The following SCHIP1 variants were observed in gnomAD, a reference collection of about 807,000 sequenced individuals.
The protein encoded by SCHIP1 is schwannomin interacting protein 1.
In SCHIP1, 8 loss-of-function variants were observed where a neutral mutation model predicts 29.7. The observed-to-expected ratio is 0.27, with a 90% CI of 0.16 to 0.49. The LOEUF (loss-of-function observed/expected upper bound fraction) is 0.49. Ranked by LOEUF, SCHIP1 falls within the 20% of genes least tolerant of loss-of-function variation. The pLI is 0.99. For synonymous variants in SCHIP1, 76 were observed against 94.9 expected (o/e 0.80, Z 1.16); for missense variants, 193 against 294.6 (o/e 0.66, Z 2.52).
the SCHIP1 span, among the ~76,000 whole-genome samples, chr3:159,455,010 T>C: frequency 6.6e-6 from 1 of 152,194 alleles, no homozygotes; most frequent in Non-Finnish European, 1.5e-5. Flanking sequence ...TAGAGCAAGA[T>C]ACTTTGTTAA....
the SCHIP1 span, among the ~76,000 whole-genome samples, chr3:159,518,927 A>G: frequency 6.6e-6 from 1 of 152,314 alleles, no homozygotes; most frequent in East Asian, 1.9e-4. Flanking sequence ...AATAAAAATT[A>G]GGTAGAAAAT....
At chr3:159,666,857 T>C in the SCHIP1 span, among the ~76,000 whole-genome samples, 1 of 152,238 alleles carries the variant, frequency 6.6e-6, no homozygotes, top group African/African-American at 2.4e-5. Context: ...GATACCTATG[T>C]CTACCAAACC....
chr3:159,321,606 G>GCACAT, the SCHIP1 span, among the ~76,000 whole-genome samples: 1 of 151,986 alleles, frequency 6.6e-6, no homozygotes, highest in Non-Finnish European at 1.5e-5. Context: ...GGGTACATGT[G>GCACAT]CACAATGTGC....
the SCHIP1 span, among the ~76,000 whole-genome samples, chr3:159,464,316 C>A: frequency 6.6e-6 from 1 of 152,162 alleles, no homozygotes; most frequent in African/African-American, 2.4e-5. Context: ...TGTGTGAGTT[C>A]TGGTGAGCTC....
chr3:159,752,524 A>G, the SCHIP1 span, among the ~76,000 whole-genome samples: 1 of 152,192 alleles, frequency 6.6e-6, no homozygotes, highest in Non-Finnish European at 1.5e-5. Flanking sequence ...GTACAGAAGC[A>G]TGACAGCATC....
the SCHIP1 span, among the ~76,000 whole-genome samples, chr3:159,678,313 G>A: frequency 3.3e-5 from 5 of 152,280 alleles, no homozygotes; most frequent in African/African-American, 9.6e-5. Flanking sequence ...AGTCTTCAGA[G>A]ACTAATTCAC....
chr3:159,596,889 T>A, the SCHIP1 span, among the ~76,000 whole-genome samples: 3 of 139,620 alleles, frequency 2.1e-5, no homozygotes, highest in South Asian at 6.3e-4. Flanking sequence ...ATGGCACATG[T>A]ATACATATGT....
At chr3:159,685,087 T>C in the SCHIP1 span, among the ~76,000 whole-genome samples, 2 of 152,170 alleles carry the variant, frequency 1.3e-5, no homozygotes, top group Non-Finnish European at 2.9e-5. Context: ...CCAATATTTA[T>C]TGACCCACCA....
the SCHIP1 span, among the ~76,000 whole-genome samples, chr3:159,511,150 C>T: frequency 6.6e-6 from 1 of 152,228 alleles, no homozygotes; most frequent in Non-Finnish European, 1.5e-5. Flanking sequence ...TGTTTACCTA[C>T]TCAAGCCTCA....
At chr3:159,551,816 G>T in the SCHIP1 span, among the ~76,000 whole-genome samples, 14 of 151,974 alleles carry the variant, frequency 9.2e-5, no homozygotes, top group Non-Finnish European at 2.1e-4. Context: ...CATTATGTTG[G>T]AACATGAAAC....
chr3:159,513,276 T>C, the SCHIP1 span, among the ~76,000 whole-genome samples: 1 of 152,186 alleles, frequency 6.6e-6, no homozygotes, highest in African/African-American at 2.4e-5. Context: ...AATTTATTAT[T>C]TTGTTGTCAA....
At chr3:159,852,283 C>T (rs1335476793) in intron 1 of SCHIP1, among the ~76,000 whole-genome samples, 1 of 152,186 alleles carries the variant, frequency 6.6e-6, no homozygotes, top group East Asian at 1.9e-4. Flanking sequence ...TTTATCTAAG[C>T]TTGTCAGAGT....
the SCHIP1 span, among the ~76,000 whole-genome samples, chr3:159,572,480 GAC>G: frequency 6.6e-6 from 1 of 152,212 alleles, no homozygotes; most frequent in African/African-American, 2.4e-5. Context: ...TGGTCTGAGA[GAC>G]AGTTTGTTGT....
At chr3:159,463,259 G>A in the SCHIP1 span, among the ~76,000 whole-genome samples, 64 of 152,172 alleles carry the variant, frequency 4.2e-4, no homozygotes, top group African/African-American at 1.5e-3. Flanking sequence ...TGTTTTAAAA[G>A]TGCATGTATT....
At chr3:159,724,304 A>C in the SCHIP1 span, among the ~76,000 whole-genome samples, 1 of 151,960 alleles carries the variant, frequency 6.6e-6, no homozygotes, top group Non-Finnish European at 1.5e-5. Context: ...TTTTACTGGG[A>C]GCTAATGTGA....
the SCHIP1 span, chr3:159,274,940 T>A: frequency 2.0e-6 from 2 of 976,914 alleles, no homozygotes; most frequent in South Asian, 9.5e-5. Flanking sequence ...CAGCTTGACC[T>A]CCAATTCAAA....
chr3:159,493,385 C>A, the SCHIP1 span, among the ~76,000 whole-genome samples: 1 of 151,878 alleles, frequency 6.6e-6, no homozygotes, highest in East Asian at 1.9e-4. Context: ...CACATAGGCT[C>A]AAAATAAAGG....
At chr3:159,587,358 A>G in the SCHIP1 span, among the ~76,000 whole-genome samples, 1 of 152,082 alleles carries the variant, frequency 6.6e-6, no homozygotes, top group East Asian at 1.9e-4. Context: ...GTAGAACAAG[A>G]TGAATAAAAA....
chr3:159,416,881 GT>G, the SCHIP1 span, among the ~76,000 whole-genome samples: 1 of 152,168 alleles, frequency 6.6e-6, no homozygotes, highest in Admixed American at 6.5e-5. Flanking sequence ...GGGATGATCT[GT>G]TTGTGTGTGG....
Sources: allele counts gnomAD v4.1 joint callset (sites outside exome capture counted in the v4.1 genomes callset), GRCh38; gene constraint gnomAD v4.1.1; transcripts MANE v1.5; gene names NCBI Gene and HGNC (gene_info 2026-07-23, HGNC 2026-07-21).